RBBP6: variants seen among roughly 807,000 people sequenced by gnomAD.
RBBP6 encodes RB binding protein 6, ubiquitin ligase.
RBBP6 carries 25 observed loss-of-function variants against 167.7 expected under a neutral mutation model. That is an observed-to-expected ratio of 0.15 (90% CI 0.11 to 0.21). RBBP6 has a LOEUF of 0.21. Among genes scored for constraint, RBBP6 ranks in the 10% least tolerant of loss-of-function variants. The pLI is 1.00. For synonymous variants in RBBP6, 789 were observed against 735.8 expected, an observed-to-expected ratio of 1.07 and a Z score of -1.17; for missense variants, 1,868 against 2,134.2, an observed-to-expected ratio of 0.88 and a Z score of 2.46.
intron 7 of RBBP6, among the ~76,000 whole-genome samples, chr16:24,557,410 TGTA>T (rs1314446012): frequency 6.6e-6 from 1 of 152,202 alleles, no homozygotes; most frequent in East Asian, 1.9e-4. Flanking sequence ...CTTTTATTAA[TGTA>T]GTCAGTTACT....
Position 24,540,588 on chromosome 16 carries a change from C to G in RBBP6, c.-39C>G. 1 of 1,571,342 alleles carries G rather than the reference C, an allele frequency of 6.4e-7. No homozygotes were observed. Among genetic ancestry groups the G allele is most frequent in the Non-Finnish European group, 8.7e-7 (1 of 1,148,862 alleles). ...ATAAATATACGTATATTGAGAGTGT[C>G]CACGTCTCCTCGCTGAACCTTAGGA... is the stretch of plus-strand genomic sequence containing the variant. On this transcript the variant is annotated 5_prime_UTR_variant, in exon 1 of 18. Transcript: ENST00000319715.
chr16:24,543,960 T>TTTGAAGCCAACAGACTTC (rs1200719088), intron 1 of RBBP6, among the ~76,000 whole-genome samples: 12 of 152,274 alleles, frequency 7.9e-5, no homozygotes, highest in African/African-American at 2.9e-4. Context: ...GACTACTTGT[T>TTTGAAGCCAACAGACTTC]AAGGAGGTAT....
chr16:24,552,902 C>T (rs1204157409), intron 3 of RBBP6: 1 of 151,974 alleles, frequency 6.6e-6, no homozygotes, highest in Non-Finnish European at 1.5e-5. Context: ...TGTTGGCCTT[C>T]TCCTCAGGGT....
chr16:24,556,211 AAGTAAT>A, intron 6 of RBBP6, 91 bp from the exon 7 acceptor site: 2 of 994,432 alleles, frequency 2.0e-6, no homozygotes, highest in Non-Finnish European at 3.0e-6. Context: ...AAAGCACTAC[AAGTAAT>A]ATAGTAAGCA....
chr16:24,547,995 A>G (rs997887147), intron 2 of RBBP6, among the ~76,000 whole-genome samples: 2 of 148,580 alleles, frequency 1.3e-5, no homozygotes, highest in Non-Finnish European at 3.0e-5. Context: ...AATGCATCTC[A>G]GTTTTTTTTT....
At chr16:24,558,008 GA>G (rs1197080303) in intron 7 of RBBP6, among the ~76,000 whole-genome samples, 3 of 152,060 alleles carry the variant, frequency 2.0e-5, no homozygotes, top group Non-Finnish European at 4.4e-5. Flanking sequence ...GTTCATCATT[GA>G]ACAGTCTGTT....
At chr16:24,560,843 T>C (rs13330463) in intron 8 of RBBP6, among the ~76,000 whole-genome samples, 40,576 of 152,112 alleles carry the variant, frequency 0.27, 5,459 homozygotes, top group Admixed American at 0.33. Context: ...GGCAGTTGAG[T>C]GACTTGAGCA....
intron 8 of RBBP6, among the ~76,000 whole-genome samples, chr16:24,561,071 G>A (rs908571681): frequency 4.6e-5 from 7 of 151,860 alleles, no homozygotes; most frequent in African/African-American, 7.3e-5. Flanking sequence ...TTGCTCCCAC[G>A]TACTGTGCTG....
Position 24,567,293 on chromosome 16 carries a change from T to C in RBBP6, c.1740T>C (p.Pro580=). ...TTCCTCTCCCTCCGGGTGTTCCTCC[T>C]CCACAGTTTTCTCCTCAGTTTCCTC... ...HTLPLPPGVP[P]PQFSPQFPPG... is the part of the protein sequence containing the mutation. The change falls in exon 15 of 18, where the codon CCT becomes CCC. Residue 580 remains proline, a synonymous_variant. Coordinates refer to ENST00000319715, the MANE Select transcript of RBBP6 (RefSeq NM_006910.5). 1 of 1,614,074 alleles carries C rather than the reference T, an allele frequency of 6.2e-7. No homozygotes were observed. The highest frequency in any genetic ancestry group is 8.5e-7 in the Non-Finnish European group (1 of 1,179,986).
rs776165769 is a variant in RBBP6 at position 24,555,936 on chromosome 16, C to T, written c.534+19C>T. 3 of 1,529,006 alleles carry T rather than the reference C, an allele frequency of 2.0e-6. No homozygotes were observed. The highest frequency in any genetic ancestry group is 2.7e-5 in the African/African-American group (2 of 72,882). 94.7% of individuals were successfully genotyped at this position (1,529,006 alleles called of 1,614,324 possible). Reference sequence around the variant, plus strand: ...AAATGGGGTAAGTTCAAAGCAGAAACTATGGTATATCTTACTTTTTTTCCT... The same window carrying T: ...AAATGGGGTAAGTTCAAAGCAGAAATTATGGTATATCTTACTTTTTTTCCT... On this transcript the variant is annotated intron_variant, in intron 6 of 17. Transcript: ENST00000319715.
rs750256716 is a variant in RBBP6 at position 24,571,813 on chromosome 16, A to C, written c.4747A>C (p.Ser1583Arg). 6.2e-7 allele frequency: 1 copy of C among 1,614,104 alleles called. No individual in the cohort carries two copies. The highest frequency in any genetic ancestry group is 2.2e-5 in the East Asian group (1 of 44,874). ...AGAAGCAAGGAACAATAAAGAGTCA[A>C]GTGGCAATAAACTACTTTATATACT... ...VLEARNNKES[S>R]GNKLLYILNP... Residue 1583 changes from serine to arginine, a missense_variant, in exon 18 of 18, where the codon AGT becomes CGT. Ser to Arg is a moderately radical substitution (Grantham distance 110). Coordinates refer to ENST00000319715, the MANE Select transcript of RBBP6 (RefSeq NM_006910.5).
chr16:24,548,653 A>G (rs1898723264), intron 2 of RBBP6, among the ~76,000 whole-genome samples: 1 of 152,182 alleles, frequency 6.6e-6, no homozygotes, highest in South Asian at 2.1e-4. Flanking sequence ...CTAAACATAA[A>G]ATCCCTATAC....
intron 7 of RBBP6, among the ~76,000 whole-genome samples, chr16:24,558,238 T>C (rs1009158088): frequency 6.6e-6 from 1 of 152,172 alleles, no homozygotes; most frequent in Non-Finnish European, 1.5e-5. Context: ...AAATGCCCAA[T>C]TGTGCCAGAC....
chr16:24,541,613 TAAG>T (rs941838457), intron 1 of RBBP6, among the ~76,000 whole-genome samples: 4 of 152,250 alleles, frequency 2.6e-5, no homozygotes, highest in Non-Finnish European at 5.9e-5. Context: ...AAGCCACTGA[TAAG>T]AATCGTTAGA....
In RBBP6 at chr16:24,571,067, A is replaced by G. The variant is rs1170500229; in HGVS notation, c.4001A>G (p.Lys1334Arg). The change falls in exon 18 of 18, where the codon AAA (lysine) becomes AGA (arginine). Residue 1334 changes from lysine to arginine, a missense_variant. By Grantham distance (26) the Lys-to-Arg change is conservative. This residue lies in a region of RBBP6 where 591 missense variants were observed against 540.5 expected (regional missense o/e 1.09). Transcript: ENST00000319715. ...TTTGAATCTGAAGAAGAAGATGTTAAATCCACACAGCCTATATCAAGTGTA... is the reference window on the plus strand; with the variant it reads ...TTTGAATCTGAAGAAGAAGATGTTAGATCCACACAGCCTATATCAAGTGTA... ...DDFESEEEDV[K>R]STQPISSVGK... 6.8e-6 allele frequency: 11 copies of G among 1,611,792 alleles called. No individual in the cohort carries two copies. Among genetic ancestry groups the G allele is most frequent in the Non-Finnish European group, 9.3e-6 (11 of 1,178,058 alleles).
At chr16:24,567,059 A>G in intron 14 of RBBP6, 84 bp from the exon 15 acceptor site, 1 of 1,395,758 alleles carries the variant, frequency 7.2e-7, no homozygotes, top group East Asian at 2.4e-5. Flanking sequence ...AAGTTTGAAA[A>G]TAATTATGGA....
chr16:24,549,163 T>C lies in RBBP6; in HGVS notation c.303+182T>C, dbSNP rs116753683. The C allele has an allele frequency of 4.9e-4, 701 of 1,442,710 alleles. 2 individuals carry two copies. In the African/African-American group the frequency reaches 8.5e-3, roughly 17 times the overall value. The allele number at this position is 1,442,710 out of a possible 1,614,324, so 89.4% of individuals were successfully genotyped here. A position where few individuals can be genotyped will look rare whatever the true frequency, so the allele number is the denominator to read the frequency against. On this transcript the variant is annotated intron_variant, in intron 3 of 17. Transcript: ENST00000319715. ...ATATGTGGCATCACTTGCACACTTA[T>C]TTTGTAGAAATGGGTAATTTGTGCC...
chr16:24,567,594 T>C (rs1899226496), intron 15 of RBBP6, 89 bp downstream of exon 15: 1 of 1,432,172 alleles, frequency 7.0e-7, no homozygotes, highest in African/African-American at 1.4e-5. Context: ...TTCCAGTGTT[T>C]CCAGTTAGTA....
chr16:24,569,856 G>A lies in RBBP6; in HGVS notation c.3166G>A (p.Glu1056Lys). The change falls in exon 17 of 18, where the codon GAA (glutamate) becomes AAA (lysine). Residue 1056 changes from glutamate to lysine, a missense_variant. Glu to Lys is a moderately conservative substitution (Grantham distance 56). Transcript: ENST00000319715. The stretch of plus-strand genomic sequence containing the variant: ...AGAACGTGAGAGATCTCCTCGATCT[G>A]AACCTCCAATTAAAAAAGCCAAAGA... ...DGERERSPRS[E>K]PPIKKAKEET... 6.2e-7 allele frequency: 1 copy of A among 1,611,076 alleles called. No individual in the cohort carries two copies. Among genetic ancestry groups the A allele is most frequent in the Non-Finnish European group, 8.5e-7 (1 of 1,179,364 alleles).
Sources: allele counts gnomAD v4.1 joint callset (sites outside exome capture counted in the v4.1 genomes callset), GRCh38; gene constraint gnomAD v4.1.1; regional missense constraint gnomAD v4.1.1; transcripts MANE v1.5; gene names NCBI Gene and HGNC (gene_info 2026-07-23, HGNC 2026-07-21).